Variants in H2BC26 observed in about 807,000 individuals in gnomAD.
The protein encoded by H2BC26 is histone H2B type 3-B.
chr1:228,458,106 T>C, the H2BC26 span: 1 of 1,553,502 alleles, frequency 6.4e-7, no homozygotes, highest in African/African-American at 1.4e-5. Flanking sequence ...GCCGCGCGTT[T>C]CTGTTTGGAG....
chr1:228,458,302 A>G, the H2BC26 span: 2 of 1,614,230 alleles, frequency 1.2e-6, no homozygotes. Flanking sequence ...ATCTCGTCCA[A>G]GGCCATGGGC....
chr1:228,458,349 A>G, the H2BC26 span: 1 of 1,614,204 alleles, frequency 6.2e-7, no homozygotes, highest in Non-Finnish European at 8.5e-7. Flanking sequence ...CTTCGAGCGC[A>G]TCGCCAGCGA....
the H2BC26 span, chr1:228,458,131 T>A: frequency 1.2e-6 from 2 of 1,601,692 alleles, no homozygotes; most frequent in Non-Finnish European, 1.7e-6. Flanking sequence ...TCAGCCATCA[T>A]GCCAGACCCG....
the H2BC26 span, chr1:228,458,223 C>A: frequency 6.2e-7 from 1 of 1,614,100 alleles, no homozygotes; most frequent in Admixed American, 1.7e-5. Context: ...GAAGCGCAAG[C>A]GCGGCCGCAA....
chr1:228,458,121 T>C, the H2BC26 span: 8 of 1,578,160 alleles, frequency 5.1e-6, no homozygotes, highest in Admixed American at 5.6e-5. Context: ...TTGGAGAGAC[T>C]CAGCCATCAT....
At chr1:228,458,115 A>G in the H2BC26 span, 2 of 1,566,290 alleles carry the variant, frequency 1.3e-6, no homozygotes, top group Non-Finnish European at 1.7e-6. Flanking sequence ...TTCTGTTTGG[A>G]GAGACTCAGC....
the H2BC26 span, chr1:228,458,113 G>T: frequency 1.3e-6 from 2 of 1,565,642 alleles, no homozygotes; most frequent in South Asian, 1.2e-5. Context: ...GTTTCTGTTT[G>T]GAGAGACTCA....
the H2BC26 span, chr1:228,458,405 C>T: frequency 6.2e-7 from 1 of 1,614,116 alleles, no homozygotes; most frequent in African/African-American, 1.3e-5. Context: ...CCATCACGTC[C>T]CGCGAAGTGC....
At chr1:228,458,526 C>A in the H2BC26 span, 2 of 1,614,112 alleles carry the variant, frequency 1.2e-6, no homozygotes, top group Non-Finnish European at 1.7e-6. Context: ...TCCTCGGCGT[C>A]CTGAACCCAA....
the H2BC26 span, chr1:228,458,187 A>C: frequency 6.2e-7 from 1 of 1,613,960 alleles, no homozygotes; most frequent in Non-Finnish European, 8.5e-7. Flanking sequence ...AAAGGCTGTC[A>C]CCAAGGCACA....
the H2BC26 span, chr1:228,458,290 G>T: frequency 2.5e-6 from 4 of 1,614,198 alleles, no homozygotes; most frequent in Non-Finnish European, 3.4e-6. Flanking sequence ...CCCGACACCG[G>T]CATCTCGTCC....
the H2BC26 span, chr1:228,458,296 C>T: frequency 4.3e-6 from 7 of 1,614,090 alleles, no homozygotes; most frequent in Admixed American, 3.3e-5. Flanking sequence ...ACCGGCATCT[C>T]GTCCAAGGCC....
the H2BC26 span, chr1:228,458,392 C>A: frequency 6.2e-7 from 1 of 1,614,232 alleles, no homozygotes; most frequent in Non-Finnish European, 8.5e-7. Flanking sequence ...AACAAGCGCT[C>A]CACCATCACG....
the H2BC26 span, chr1:228,458,438 G>T: frequency 6.2e-7 from 1 of 1,614,150 alleles, no homozygotes; most frequent in Non-Finnish European, 8.5e-7. Flanking sequence ...GCCTGCTGCT[G>T]CCCGGCGAGC....
At chr1:228,458,278 A>G in the H2BC26 span, 1 of 1,614,134 alleles carries the variant, frequency 6.2e-7, no homozygotes, top group Non-Finnish European at 8.5e-7. Context: ...AAGCAGGTGC[A>G]CCCCGACACC....
chr1:228,458,140 C>G, the H2BC26 span: 7 of 1,605,196 alleles, frequency 4.4e-6, no homozygotes, highest in Non-Finnish European at 5.1e-6. Flanking sequence ...ATGCCAGACC[C>G]GTCCAAATCG....
chr1:228,458,294 C>T, the H2BC26 span: 4 of 1,614,250 alleles, frequency 2.5e-6, no homozygotes, highest in South Asian at 2.2e-5. Context: ...ACACCGGCAT[C>T]TCGTCCAAGG....
chr1:228,458,112 T>G, the H2BC26 span: 12 of 1,563,740 alleles, frequency 7.7e-6, no homozygotes, highest in South Asian at 1.2e-5. Context: ...CGTTTCTGTT[T>G]GGAGAGACTC....
At chr1:228,458,342 C>T in the H2BC26 span, 5 of 1,614,216 alleles carry the variant, frequency 3.1e-6, no homozygotes, top group African/African-American at 5.3e-5. Context: ...ATGACATCTT[C>T]GAGCGCATCG....
Sources: gnomAD v4.1 joint callset for allele counts on GRCh38, gnomAD v4.1.1 for gene constraint, MANE v1.5 for transcripts, NCBI Gene and HGNC (gene_info 2026-07-23, HGNC 2026-07-21) for gene names.